Variants in DYNC2I1 observed in about 807,000 individuals in gnomAD.
DYNC2I1 encodes dynein 2 intermediate chain 1.
DYNC2I1 carries 89 observed loss-of-function variants against 133.4 expected under a neutral mutation model. That is an observed-to-expected ratio of 0.67 (90% CI 0.56 to 0.80). The LOEUF (loss-of-function observed/expected upper bound fraction) is 0.80. DYNC2I1 is among the 30% of genes least tolerant of loss of function. The pLI, the probability that DYNC2I1 is intolerant of heterozygous loss-of-function variation, is 0.00. For synonymous variants in DYNC2I1, 504 were observed against 484.3 expected (o/e 1.04, Z -0.54); for missense variants, 1,291 against 1,314.5 (o/e 0.98, Z 0.28).
chr7:158,949,831 GCGCAATCTCGCCTCAC>G (rs1283646228), downstream of DYNC2I1, among the ~76,000 whole-genome samples: 2 of 151,996 alleles, frequency 1.3e-5, no homozygotes, highest in Non-Finnish European at 2.9e-5. Flanking sequence ...GAGTGCAATG[GCGCAATCTCGCCTCAC>G]CGCAACCTCC....
At chr7:158,869,325 C>T in intron 1 of DYNC2I1, 1 of 391,254 alleles carries the variant, frequency 2.6e-6, no homozygotes, top group South Asian at 1.9e-5. Flanking sequence ...GGGGCCTCTC[C>T]CCAGGGCTGC....
chr7:158,874,675 T>G (rs1002645299), intron 3 of DYNC2I1, among the ~76,000 whole-genome samples: 5 of 152,192 alleles, frequency 3.3e-5, no homozygotes, highest in African/African-American at 1.2e-4. Context: ...TCCCCAGGCC[T>G]CCTCTCCAGC....
the DYNC2I1 span, among the ~76,000 whole-genome samples, chr7:158,848,758 A>G: frequency 6.6e-6 from 1 of 152,110 alleles, no homozygotes; most frequent in African/African-American, 2.4e-5. Context: ...CCCCATCTCT[A>G]CTAAAAATAC....
intron 5 of DYNC2I1, among the ~76,000 whole-genome samples, chr7:158,883,661 T>C (rs983678052): frequency 1.7e-5 from 2 of 120,026 alleles, no homozygotes; most frequent in Non-Finnish European, 3.5e-5. Context: ...GTGACTTCTT[T>C]TTTTTTTTTT....
In DYNC2I1 at chr7:158,869,003, C is replaced by T. The variant is rs546426914; in HGVS notation, c.16-852C>T. 7.9e-5 allele frequency among the ~76,000 whole-genome samples: 12 copies of T among 152,314 alleles called. No individual in the cohort carries two copies. In the South Asian group the frequency reaches 2.3e-3, roughly 29 times the overall value. The stretch of plus-strand genomic sequence containing the variant: ...TGTGGTGTGAGACAACAGCAGCCTT[C>T]TAATTTTCTCACATACTCTGTGGAT... On this transcript the variant is annotated intron_variant, in intron 1 of 24. Transcript: ENST00000407559.
chr7:158,877,101 GTC>G (rs1243889598), intron 4 of DYNC2I1, among the ~76,000 whole-genome samples: 1 of 152,232 alleles, frequency 6.6e-6, no homozygotes, highest in African/African-American at 2.4e-5. Flanking sequence ...GAGTGATCCT[GTC>G]TCTCCCCGTG....
intron 10 of DYNC2I1, chr7:158,905,268 G>A: frequency 2.9e-6 from 1 of 348,004 alleles, no homozygotes; most frequent in Admixed American, 4.0e-5. Context: ...AGCCTCCCGA[G>A]TAGCTGGGAC....
chr7:158,954,075 A>G (rs1445392474), intron 4 of DYNC2I1, among the ~76,000 whole-genome samples: 1 of 152,102 alleles, frequency 6.6e-6, no homozygotes, highest in Non-Finnish European at 1.5e-5. Flanking sequence ...GATAGTGAGT[A>G]AGTCTCACGT....
intron 2 of DYNC2I1, among the ~76,000 whole-genome samples, chr7:158,870,722 A>G (rs1355790992): frequency 6.6e-6 from 1 of 152,082 alleles, no homozygotes; most frequent in Admixed American, 6.6e-5. Flanking sequence ...TTGGGGGTAC[A>G]GGTGCAGGTT....
chr7:158,914,177 A>C, intron 13 of DYNC2I1, 56 bp from the exon 14 acceptor site: 1 of 1,423,882 alleles, frequency 7.0e-7, no homozygotes, highest in Non-Finnish European at 9.7e-7. Flanking sequence ...AAGATGTGTA[A>C]TGCATGATTA....
At chr7:158,938,952 A>G (rs987961749) in intron 23 of DYNC2I1, among the ~76,000 whole-genome samples, 1 of 152,232 alleles carries the variant, frequency 6.6e-6, no homozygotes, top group Non-Finnish European at 1.5e-5. Context: ...AAAAAGACCT[A>G]TTAAAAACAA....
In DYNC2I1 at chr7:158,879,854, C is replaced by A; in HGVS notation, c.744C>A (p.Phe248Leu). Residue 248 changes from phenylalanine (F) to leucine (L), a missense_variant, in exon 5 of 25, where the codon TTC becomes TTA. Coordinates refer to ENST00000407559, the MANE Select transcript of DYNC2I1 (RefSeq NM_018051.5). The stretch of plus-strand genomic sequence containing the variant: ...ATTCCAAAGAGAAAAGTAATTCATT[C>A]TCTGACAAAGGGGAAGAAAGACATA... ...EKYSKEKSNS[F>L]SDKGEERHKE... 1 of 1,613,298 alleles carries A rather than the reference C, an allele frequency of 6.2e-7. No homozygotes were observed.
chr7:158,856,240 T>G (rs985776304), upstream of DYNC2I1, among the ~76,000 whole-genome samples: 3 of 152,114 alleles, frequency 2.0e-5, no homozygotes, highest in Middle Eastern at 3.4e-3. Context: ...GCCACCGCGC[T>G]CGGCCTCAAA....
intron 2 of DYNC2I1, 82 bp downstream of exon 2, chr7:158,869,990 C>T (rs1364005818): frequency 8.1e-7 from 1 of 1,227,870 alleles, no homozygotes; most frequent in Non-Finnish European, 1.2e-6. Context: ...GTACACAACA[C>T]TGTATAACTT....
chr7:158,926,885 GT>G, intron 19 of DYNC2I1, 106 bp from the exon 20 acceptor site: 1 of 790,078 alleles, frequency 1.3e-6, no homozygotes, highest in Non-Finnish European at 2.0e-6. Flanking sequence ...GAGCAGTTAT[GT>G]TTTAGTACCT....
chr7:158,870,362 CT>C (rs11388411), intron 2 of DYNC2I1, among the ~76,000 whole-genome samples: 2 of 151,314 alleles, frequency 1.3e-5, no homozygotes, highest in Non-Finnish European at 2.9e-5. Flanking sequence ...TAATTTTACT[CT>C]TTTTTTTAGA....
intron 15 of DYNC2I1, among the ~76,000 whole-genome samples, chr7:158,920,388 G>C (rs1026025232): frequency 6.6e-6 from 1 of 151,800 alleles, no homozygotes; most frequent in Non-Finnish European, 1.5e-5. Flanking sequence ...CTCCGTCGGG[G>C]AACACGTGAA....
chr7:158,868,531 CT>C (rs1242575671), intron 1 of DYNC2I1, among the ~76,000 whole-genome samples: 2 of 152,224 alleles, frequency 1.3e-5, no homozygotes, highest in African/African-American at 2.4e-5. Flanking sequence ...TGGAACCTTT[CT>C]TGGGTTTTAT....
chr7:158,892,614 T>C (rs1024873142), intron 8 of DYNC2I1, among the ~76,000 whole-genome samples: 5 of 142,988 alleles, frequency 3.5e-5, no homozygotes, highest in Non-Finnish European at 7.5e-5. Flanking sequence ...GCTAAGACTT[T>C]ATTTTTTTTT....
Sources: allele counts gnomAD v4.1 joint callset (sites outside exome capture counted in the v4.1 genomes callset), GRCh38; gene constraint gnomAD v4.1.1; transcripts MANE v1.5; gene names NCBI Gene and HGNC (gene_info 2026-07-23, HGNC 2026-07-21).